Variants in NTM observed in about 807,000 individuals in gnomAD.
The protein encoded by NTM is neurotrimin, also known as IgLON family member 2.
A neutral mutation model predicts 42.1 loss-of-function variants in NTM; 13 were observed. The ratio of observed to expected loss-of-function variants is 0.31; its 90% CI spans 0.20 to 0.49. NTM has a LOEUF of 0.49. NTM is among the 20% of genes least tolerant of loss of function. The pLI, the probability that NTM is intolerant of heterozygous loss-of-function variation, is 0.99. For missense variants in NTM, 373 were observed against 452.8 expected (o/e 0.82, Z 1.60); for synonymous variants, 187 against 179.2 (o/e 1.04, Z -0.35).
At chr11:131,944,115 G>A (rs76400748) in intron 2 of NTM, among the ~76,000 whole-genome samples, 4,526 of 152,152 alleles carry the variant, frequency 0.03, 109 homozygotes, top group South Asian at 0.051. Flanking sequence ...GACAACCTAT[G>A]TGACACTGAT....
In NTM at chr11:131,857,028, A is replaced by C. The variant is rs564628503; in HGVS notation, c.83-54536A>C. ...CTTTTTATATAATCTTAAAGTATCT[A>C]AGAAGTTTGTTAGCCCTAGAACCTG... is the stretch of plus-strand genomic sequence containing the variant. On this transcript the variant is annotated intron_variant, in intron 1 of 8. Coordinates refer to ENST00000683400, the MANE Select transcript of NTM (RefSeq NM_001352005.2). Among the ~76,000 whole-genome samples the C allele has an allele frequency of 2.9e-4, 44 of 152,314 alleles. No individual in the cohort carries two copies. The South Asian group carries it at 8.7e-3, about 30-fold the overall frequency.
intron 1 of NTM, among the ~76,000 whole-genome samples, chr11:131,733,305 G>A (rs1484350617): frequency 2.0e-5 from 3 of 152,128 alleles, no homozygotes; most frequent in Non-Finnish European, 2.9e-5. Flanking sequence ...CGTCCAAGGT[G>A]TGTTATGATG....
At chr11:131,684,696 C>T (rs2134902576) in intron 1 of NTM, among the ~76,000 whole-genome samples, 1 of 152,364 alleles carries the variant, frequency 6.6e-6, no homozygotes, top group East Asian at 1.9e-4. Context: ...TTTGAGAAGC[C>T]TCCTTTCCCT....
chr11:131,456,581 A>AG (rs199594322), intron 1 of NTM, among the ~76,000 whole-genome samples: 60 of 151,996 alleles, frequency 3.9e-4, no homozygotes, highest in African/African-American at 1.4e-3. Flanking sequence ...GCTTGCAAAG[A>AG]GGGGGTTCAG....
chr11:132,030,125 G>A (rs1008101740), intron 2 of NTM, among the ~76,000 whole-genome samples: 2 of 151,928 alleles, frequency 1.3e-5, no homozygotes, highest in African/African-American at 4.8e-5. Flanking sequence ...TGACTCTGTT[G>A]TAATGTGGAG....
intron 1 of NTM, among the ~76,000 whole-genome samples, chr11:131,559,103 G>A (rs1456297872): frequency 2.0e-5 from 3 of 152,128 alleles, no homozygotes; most frequent in Admixed American, 6.5e-5. Flanking sequence ...CCCGCAAGGA[G>A]GTTTTAAAAG....
intron 1 of NTM, among the ~76,000 whole-genome samples, chr11:131,821,802 G>A (rs2093201781): frequency 6.6e-6 from 1 of 152,170 alleles, no homozygotes; most frequent in South Asian, 2.1e-4. Context: ...ACACTGACGA[G>A]TTTTACACCA....
At chr11:131,371,430 G>A (rs1565435520) in intron 1 of NTM, among the ~76,000 whole-genome samples, 1 of 152,212 alleles carries the variant, frequency 6.6e-6, no homozygotes, top group Admixed American at 6.5e-5. Context: ...GCAGCAGTGG[G>A]GGACAACTGT....
chr11:132,334,999 T>G, intron 8 of NTM, 47 bp from the exon 9 acceptor site: 1 of 1,594,480 alleles, frequency 6.3e-7, no homozygotes, highest in Non-Finnish European at 8.5e-7. Context: ...CGGGCTTTCC[T>G]TCCATTTTCT....
intron 4 of NTM, among the ~76,000 whole-genome samples, chr11:132,258,180 C>T (rs1313523174): frequency 4.6e-5 from 7 of 152,180 alleles, no homozygotes; most frequent in African/African-American, 9.7e-5. Context: ...GAGTTGGAAA[C>T]GCTCAGCTGG....
chr11:131,569,900 C>T (rs2057293552), intron 1 of NTM, among the ~76,000 whole-genome samples: 1 of 152,186 alleles, frequency 6.6e-6, no homozygotes, highest in African/African-American at 2.4e-5. Context: ...GTTTTCTAGG[C>T]CTAAGAAAGA....
intron 1 of NTM, among the ~76,000 whole-genome samples, chr11:131,504,225 C>T (rs1190340769): frequency 3.9e-5 from 6 of 152,322 alleles, no homozygotes; most frequent in South Asian, 2.1e-4. Flanking sequence ...TCTCGCACAG[C>T]GCATGCCTGA....
chr11:132,038,802 G>A (rs1007132771), intron 2 of NTM, among the ~76,000 whole-genome samples: 1 of 152,140 alleles, frequency 6.6e-6, no homozygotes, highest in African/African-American at 2.4e-5. Context: ...AGGACGTCTC[G>A]CCTGTCTGCC....
At chr11:131,836,239 C>G (rs957602448) in intron 1 of NTM, among the ~76,000 whole-genome samples, 5 of 152,144 alleles carry the variant, frequency 3.3e-5, no homozygotes, top group African/African-American at 1.2e-4. Context: ...TATGTACCAC[C>G]TTATATTTCC....
chr11:131,689,492 T>A (rs1364148514), intron 1 of NTM, among the ~76,000 whole-genome samples: 3 of 152,296 alleles, frequency 2.0e-5, no homozygotes, highest in Non-Finnish European at 4.4e-5. Flanking sequence ...ACTATCTCAG[T>A]CCCTAGGCCA....
At position 131,787,123 on chromosome 11, in the gene NTM, G is replaced by C. The variant is rs2089363932; in HGVS notation, c.83-124441G>C. On this transcript the variant is annotated intron_variant, in intron 1 of 8. Transcript: ENST00000683400. ...ACAGATTACTCTTTAAAGTTCCCAAGTTAAAATAGTTCTCAACCCATTCTA... is the reference window on the plus strand; with the variant it reads ...ACAGATTACTCTTTAAAGTTCCCAACTTAAAATAGTTCTCAACCCATTCTA... Among the ~76,000 whole-genome samples the C allele has an allele frequency of 2.0e-5, 3 of 151,920 alleles. No homozygotes were observed. In the South Asian group the frequency reaches 6.2e-4, roughly 32 times the overall value.
At chr11:132,256,402 G>A (rs1323710973) in intron 4 of NTM, among the ~76,000 whole-genome samples, 2 of 152,224 alleles carry the variant, frequency 1.3e-5, no homozygotes, top group Non-Finnish European at 2.9e-5. Flanking sequence ...CCAGGATTTA[G>A]AGTGCGGGCC....
chr11:132,179,488 A>G (rs61905988), intron 3 of NTM, among the ~76,000 whole-genome samples: 5,254 of 152,208 alleles, frequency 0.035, 142 homozygotes, highest in African/African-American at 0.069. Flanking sequence ...AAGATAAGAT[A>G]GGAGAGCTAT....
intron 1 of NTM, among the ~76,000 whole-genome samples, chr11:131,586,241 G>A (rs1297804240): frequency 6.6e-6 from 1 of 152,044 alleles, no homozygotes; most frequent in Non-Finnish European, 1.5e-5. Flanking sequence ...AAGTAGCTGG[G>A]ACCACAGGCA....
Sources: allele counts gnomAD v4.1 joint callset (sites outside exome capture counted in the v4.1 genomes callset), GRCh38; gene constraint gnomAD v4.1.1; transcripts MANE v1.5; gene names NCBI Gene and HGNC (gene_info 2026-07-23, HGNC 2026-07-21).